The following FBLN1 variants were observed in gnomAD, a reference collection of about 807,000 sequenced individuals.
FBLN1 encodes fibulin 1.
FBLN1 carries 34 observed loss-of-function variants against 89.7 expected under a neutral mutation model. That is an observed-to-expected ratio of 0.38 (90% CI 0.29 to 0.50). FBLN1 has a LOEUF of 0.50. Among genes scored for constraint, FBLN1 ranks in the 20% least tolerant of loss-of-function variants. FBLN1 has a pLI of 0.92. For synonymous variants in FBLN1, 393 were observed against 391.3 expected (o/e 1.00, Z -0.05); for missense variants, 777 against 988.1 (o/e 0.79, Z 2.86).
chr22:45,557,052 C>T lies in FBLN1; in HGVS notation c.1697+6437C>T, dbSNP rs1034948680. 6.6e-6 allele frequency among the ~76,000 whole-genome samples: 1 copy of T among 152,120 alleles called. No homozygotes were observed. The highest frequency in any genetic ancestry group is 1.5e-5 in the Non-Finnish European group (1 of 68,032). On this transcript the variant is annotated intron_variant, in intron 14 of 16. Transcript: ENST00000327858. The surrounding 1 kb of genome is among the most constrained non-coding windows in gnomAD (Gnocchi z 4.9). ...CTGCAAAGTACTGTCACCTAGTTGGCATTGTAATTGTGACTTCAAAAGGCC... is the reference window on the plus strand; with the variant it reads ...CTGCAAAGTACTGTCACCTAGTTGGTATTGTAATTGTGACTTCAAAAGGCC...
At chr22:45,591,234 A>G (rs146420739) in intron 16 of FBLN1, among the ~76,000 whole-genome samples, 2 of 152,192 alleles carry the variant, frequency 1.3e-5, no homozygotes, top group East Asian at 3.9e-4. Flanking sequence ...CACAGAGCCA[A>G]ATTTTCTCCC....
At chr22:45,564,657 C>G (rs2088885701) in intron 14 of FBLN1, among the ~76,000 whole-genome samples, 1 of 152,234 alleles carries the variant, frequency 6.6e-6, no homozygotes, top group Non-Finnish European at 1.5e-5. Context: ...GGCTGCGGTT[C>G]CTGTTGACTC....
chr22:45,568,586 T>C (rs1329075077), intron 14 of FBLN1, among the ~76,000 whole-genome samples: 1 of 137,570 alleles, frequency 7.3e-6, no homozygotes, highest in Non-Finnish European at 1.5e-5. Flanking sequence ...AGAATGCTCC[T>C]GTAGGGGAAT....
chr22:45,561,333 A>G lies in FBLN1; in HGVS notation c.1697+10718A>G, dbSNP rs2088848460. Among the ~76,000 whole-genome samples the G allele has an allele frequency of 6.6e-6, 1 of 152,206 alleles. No individual in the cohort carries two copies. Among genetic ancestry groups the G allele is most frequent in the African/African-American group, 2.4e-5 (1 of 41,446 alleles). ...ATCTGCTTCTGAAGCTGGGAGATGG[A>G]ATCCCTGAGTTCATAATTTTCTTTC... On this transcript the variant is annotated intron_variant, in intron 14 of 16. Transcript: ENST00000327858. This position sits in a 1 kb window ranked among gnomAD's most constrained non-coding sequence, Gnocchi z 4.7.
In FBLN1 at chr22:45,555,104, T is replaced by TA. The variant is rs1173201118; in HGVS notation, c.1697+4489_1697+4490insA. On this transcript the variant is annotated intron_variant, in intron 14 of 16. Coordinates refer to ENST00000327858, the MANE Select transcript of FBLN1 (RefSeq NM_006486.3). ...CGTCCCCGTCTCCACCGCAGGAGGT[T>TA]GGGACCCGTCCCCGTCTCCACCCCA... Among the ~76,000 whole-genome samples, 35 of 147,026 alleles carry TA rather than the reference T, an allele frequency of 2.4e-4. 1 individual carries two copies. In the South Asian group the frequency reaches 2.4e-3, roughly 10 times the overall value.
intron 16 of FBLN1, among the ~76,000 whole-genome samples, chr22:45,587,095 G>A (rs772428888): frequency 1.3e-4 from 20 of 152,108 alleles, no homozygotes; most frequent in Non-Finnish European, 2.2e-4. Context: ...TCACGAGCAC[G>A]TCACGGAGCC....
At chr22:45,558,068 C>T in intron 14 of FBLN1, 1 of 716,802 alleles carries the variant, frequency 1.4e-6, no homozygotes, top group Non-Finnish European at 2.6e-6. Context: ...CTTCCTCTGT[C>T]AGATGATCGT....
At chr22:45,592,862 G>A (rs2089151122) in intron 16 of FBLN1, among the ~76,000 whole-genome samples, 1 of 151,704 alleles carries the variant, frequency 6.6e-6, no homozygotes, top group South Asian at 2.1e-4. Context: ...TTCTGCTCAT[G>A]GCTGGCCCCA....
chr22:45,547,223 G>A lies in FBLN1; in HGVS notation c.1441+19G>A, dbSNP rs752383299. On this transcript the variant is annotated intron_variant, in intron 12 of 16. Transcript: ENST00000327858. ...TGTGAAGGTGCGGACGCCCCTGCCT[G>A]CTGAGGGGGAAAGCACCCCCTGGTC... is the stretch of plus-strand genomic sequence containing the variant. 3.7e-6 allele frequency: 6 copies of A among 1,612,842 alleles called. No homozygotes were observed. Among genetic ancestry groups the A allele is most frequent in the Middle Eastern group, 1.7e-4 (1 of 6,054 alleles).
At chr22:45,586,203 G>A (rs564949966) in intron 16 of FBLN1, among the ~76,000 whole-genome samples, 1 of 152,340 alleles carries the variant, frequency 6.6e-6, no homozygotes, top group Non-Finnish European at 1.5e-5. Flanking sequence ...AGCCCCAGGA[G>A]ACGCCCTGTC....
intron 1 of FBLN1, among the ~76,000 whole-genome samples, chr22:45,515,693 C>T (rs538332084): frequency 6.6e-5 from 10 of 152,322 alleles, no homozygotes; most frequent in South Asian, 4.1e-4. Context: ...TCCCCTTCGA[C>T]GGTTTAATCC....
Position 45,577,060 on chromosome 22 carries a change from C to T in FBLN1, c.1924C>T (p.Arg642Trp), listed in dbSNP as rs368632304. 84 of 1,614,096 alleles carry T rather than the reference C, an allele frequency of 5.2e-5. No homozygotes were observed. The highest frequency in any genetic ancestry group is 6.0e-5 in the Non-Finnish European group (71 of 1,180,010). ...IIFDITEGNL[R>W]DSFDIIKRYM... is the part of the protein sequence containing the mutation. ...CTTCGACATCACGGAAGGGAACCTG[C>T]GGGACTCTTTTGACATCATCAAGCG... Residue 642 changes from arginine to tryptophan, a missense_variant, in exon 16 of 17, where the codon CGG becomes TGG. By Grantham distance (101) the Arg-to-Trp change is moderately radical (BLOSUM62 -3). Coordinates refer to ENST00000327858, the MANE Select transcript of FBLN1 (RefSeq NM_006486.3). The surrounding 1 kb of genome is among the most constrained non-coding windows in gnomAD (Gnocchi z 6.6).
intron 16 of FBLN1, among the ~76,000 whole-genome samples, chr22:45,595,583 C>G (rs2089177068): frequency 4.1e-5 from 1 of 24,386 alleles, no homozygotes; most frequent in Non-Finnish European, 1.2e-4. Flanking sequence ...GGTCTTCAGC[C>G]ATTGTAGAGA....
At position 45,600,846 on chromosome 22, in the gene FBLN1, T is replaced by G. The variant is rs1920926310; in HGVS notation, c.*400T>G. On this transcript the variant is annotated 3_prime_UTR_variant, in exon 17 of 17. Transcript: ENST00000327858. Reference sequence around the variant, plus strand: ...ACATTTTGGCACTTTTTTTTTTTTTTTGGCCAATCAGATTTTCTATGTTCT... The same window carrying G: ...ACATTTTGGCACTTTTTTTTTTTTTGTGGCCAATCAGATTTTCTATGTTCT... 3.2e-5 allele frequency: 10 copies of G among 310,576 alleles called. No homozygotes were observed. The highest frequency in any genetic ancestry group is 2.7e-4 in the South Asian group (9 of 33,004). The allele number at this position is 310,576 out of a possible 1,614,324, so 19.2% of individuals were successfully genotyped here. A position where few individuals can be genotyped will look rare whatever the true frequency, so the allele number is the denominator to read the frequency against.
In FBLN1 at chr22:45,598,027, G is replaced by A. The variant is rs114053998; in HGVS notation, c.1973-2280G>A. 8.5e-3 allele frequency among the ~76,000 whole-genome samples: 1,288 copies of A among 152,314 alleles called. 14 individuals carry two copies. The highest frequency in any genetic ancestry group is 0.03 in the African/African-American group (1,245 of 41,568). ...GCCTTTGCTGTGTCCTGGGCACCAA[G>A]AGGTGGAGATAGGCTGTCACCGTGC... On this transcript the variant is annotated intron_variant, in intron 16 of 16. Coordinates refer to ENST00000327858, the MANE Select transcript of FBLN1 (RefSeq NM_006486.3).
At chr22:45,585,354 G>A (rs969761761) in intron 16 of FBLN1, among the ~76,000 whole-genome samples, 3 of 152,178 alleles carry the variant, frequency 2.0e-5, no homozygotes, top group Non-Finnish European at 4.4e-5. Context: ...CAGCCAGCAG[G>A]GCCCAGATCA....
rs752671119 is a variant in FBLN1 at position 45,563,121 on chromosome 22, G to A, written c.1698-11390G>A. ...GGCTTTTTCACCACCCGGAAGGTGA[G>A]CCCCCACAGTGGGGTGGTGGCCCTC... On this transcript the variant is annotated intron_variant, in intron 14 of 16. Transcript: ENST00000327858. The surrounding 1 kb of genome is among the most constrained non-coding windows in gnomAD (Gnocchi z 5.7). 1.9e-6 allele frequency: 3 copies of A among 1,613,368 alleles called. No homozygotes were observed. In the South Asian group the frequency reaches 3.3e-5, roughly 18 times the overall value.
intron 1 of FBLN1, among the ~76,000 whole-genome samples, chr22:45,512,004 A>G (rs912581855): frequency 9.9e-5 from 15 of 152,266 alleles, no homozygotes; most frequent in African/African-American, 3.6e-4. Flanking sequence ...ACAACAGGAA[A>G]TGATCTGGGA....
intron 16 of FBLN1, among the ~76,000 whole-genome samples, chr22:45,593,846 C>T (rs1042050623): frequency 4.6e-5 from 7 of 152,178 alleles, no homozygotes; most frequent in Admixed American, 2.0e-4. Context: ...CATCTTACGA[C>T]GTGTTCATGG....
Sources: allele counts gnomAD v4.1 joint callset (sites outside exome capture counted in the v4.1 genomes callset), GRCh38; gene constraint gnomAD v4.1.1; non-coding constraint Gnocchi (gnomAD v3.1); transcripts MANE v1.5; gene names NCBI Gene and HGNC (gene_info 2026-07-23, HGNC 2026-07-21).